PLPP1: variants seen among roughly 807,000 people sequenced by gnomAD.
PLPP1 encodes the protein phospholipid phosphatase 1.
In PLPP1, 24 loss-of-function variants were observed where a neutral mutation model predicts 31.2. The observed-to-expected ratio is 0.77, with a 90% CI of 0.56 to 1.08. PLPP1 has a LOEUF of 1.08. Ranked by LOEUF, PLPP1 falls within the 50% of genes least tolerant of loss-of-function variation. PLPP1 has a pLI of 0.00. For synonymous variants in PLPP1, 146 were observed against 126.3 expected (o/e 1.16, Z -1.05); for missense variants, 319 against 342.7 (o/e 0.93, Z 0.55).
chr5:55,432,873 G>C (rs1309852898), intron 4 of PLPP1, among the ~76,000 whole-genome samples: 1 of 151,202 alleles, frequency 6.6e-6, no homozygotes. Flanking sequence ...AATGTTGCAT[G>C]AACACACAAC....
intron 3 of PLPP1, among the ~76,000 whole-genome samples, chr5:55,467,044 T>C (rs1276928883): frequency 2.0e-5 from 3 of 152,214 alleles, no homozygotes; most frequent in South Asian, 2.1e-4. Flanking sequence ...TTCTGTTTCA[T>C]TCATGTCTAA....
chr5:55,505,844 G>A (rs1753263142), intron 1 of PLPP1, among the ~76,000 whole-genome samples: 1 of 152,184 alleles, frequency 6.6e-6, no homozygotes, highest in Non-Finnish European at 1.5e-5. Context: ...ATCACTTGAG[G>A]TCAGGTGTTC....
chr5:55,473,997 G>GTTTTTGTT lies in PLPP1; in HGVS notation c.210+1301_210+1302insAACAAAAA, dbSNP rs1554039230. On this transcript the variant is annotated intron_variant, in intron 2 of 5. Coordinates refer to ENST00000307259, the MANE Select transcript of PLPP1 (RefSeq NM_003711.4). ...TTTCTGGTTTTTTTGTTTGTTTGTT[G>GTTTTTGTT]TTTTTTTTTTTTTTTTCCAGACGGA... Among the ~76,000 whole-genome samples the GTTTTTGTT allele has an allele frequency of 1.0e-3, 29 of 28,066 alleles. 3 individuals carry two copies. Among genetic ancestry groups the GTTTTTGTT allele is most frequent in the South Asian group, 1.6e-3 (1 of 608 alleles). 18.4% of individuals were successfully genotyped at this position (28,066 alleles called of 152,430 possible). A position where few individuals can be genotyped will look rare whatever the true frequency, so the allele number is the denominator to read the frequency against.
chr5:55,448,354 C>T (rs6862700), intron 3 of PLPP1, among the ~76,000 whole-genome samples: 130,802 of 152,098 alleles, frequency 0.86, 56,632 homozygotes, highest in South Asian at 0.92. Flanking sequence ...ATTATGTGAC[C>T]CAGTAATTCC....
At chr5:55,532,302 A>G (rs1740697568) in intron 1 of PLPP1, among the ~76,000 whole-genome samples, 1 of 152,110 alleles carries the variant, frequency 6.6e-6, no homozygotes, top group Non-Finnish European at 1.5e-5. Context: ...GAGCAGTATT[A>G]TGTTTCAGCC....
chr5:55,502,982 G>A (rs187540514), intron 1 of PLPP1, among the ~76,000 whole-genome samples: 44 of 152,198 alleles, frequency 2.9e-4, no homozygotes, highest in African/African-American at 9.4e-4. Context: ...AGTATGACTG[G>A]GTACCCTCCT....
intron 2 of PLPP1, among the ~76,000 whole-genome samples, chr5:55,473,492 A>C (rs1752466277): frequency 6.6e-6 from 1 of 152,176 alleles, no homozygotes; most frequent in African/African-American, 2.4e-5. Flanking sequence ...GTTAACTTTC[A>C]ATGCTAATAA....
At chr5:55,506,615 G>A (rs774569380) in intron 1 of PLPP1, among the ~76,000 whole-genome samples, 11 of 152,110 alleles carry the variant, frequency 7.2e-5, no homozygotes, top group Non-Finnish European at 1.5e-4. Flanking sequence ...AAACAGTGTG[G>A]GAGTTGCTTC....
At chr5:55,485,254 T>C (rs554666630) in intron 1 of PLPP1, among the ~76,000 whole-genome samples, 2 of 152,260 alleles carry the variant, frequency 1.3e-5, no homozygotes, top group African/African-American at 4.8e-5. Context: ...TCATGCTAAC[T>C]CCAGGTGGTT....
rs190339825 is a variant in PLPP1 at position 55,474,020 on chromosome 5, G to A, written c.210+1279C>T. Among the ~76,000 whole-genome samples, 72 of 123,522 alleles carry A rather than the reference G, an allele frequency of 5.8e-4. No homozygotes were observed. The East Asian group carries it at 0.014, about 23-fold the overall frequency. 81.0% of individuals were successfully genotyped at this position (123,522 alleles called of 152,430 possible). A position where few individuals can be genotyped will look rare whatever the true frequency, so the allele number is the denominator to read the frequency against. ...TTGTTTTTTTTTTTTTTTTCCAGAC[G>A]GAGTCTCATTGTGTCAACCAGGCTG... On this transcript the variant is annotated intron_variant, in intron 2 of 5. Coordinates refer to ENST00000307259, the MANE Select transcript of PLPP1 (RefSeq NM_003711.4).
intron 3 of PLPP1, among the ~76,000 whole-genome samples, chr5:55,443,192 A>AAAAAAATATATATAT: frequency 9.4e-4 from 24 of 25,408 alleles, no homozygotes; most frequent in Admixed American, 2.3e-3. Context: ...AAAAAAAAAA[A>AAAAAAATATATATAT]ATATATATAT....
In PLPP1 at chr5:55,443,192, A is replaced by AAAAATATATATATAT; in HGVS notation, c.492-1285_492-1284insATATATATATATTTT. Among the ~76,000 whole-genome samples the AAAAATATATATATAT allele has an allele frequency of 6.1e-3, 154 of 25,266 alleles. 2 individuals carry two copies. The highest frequency in any genetic ancestry group is 0.01 in the Non-Finnish European group (117 of 11,478). The allele number at this position is 25,266 out of a possible 152,430, so 16.6% of individuals were successfully genotyped here. A position where few individuals can be genotyped will look rare whatever the true frequency, so the allele number is the denominator to read the frequency against. The stretch of plus-strand genomic sequence containing the variant: ...AAGGATTACTTAAAAAAAAAAAAAA[A>AAAAATATATATATAT]ATATATATATATATATATATACACA... On this transcript the variant is annotated intron_variant, in intron 3 of 5. Transcript: ENST00000307259.
intron 1 of PLPP1, among the ~76,000 whole-genome samples, chr5:55,479,918 T>C (rs1039573505): frequency 5.3e-5 from 8 of 152,342 alleles, no homozygotes; most frequent in Non-Finnish European, 7.3e-5. Context: ...TGTTTGCATT[T>C]CTAGTTATTT....
chr5:55,475,929 GTC>G (rs1752539324), intron 1 of PLPP1, among the ~76,000 whole-genome samples: 2 of 150,356 alleles, frequency 1.3e-5, no homozygotes, highest in African/African-American at 4.9e-5. Flanking sequence ...TTTCTGTATT[GTC>G]TATAGCAGGC....
chr5:55,455,504 C>T (rs1228366066), intron 3 of PLPP1, among the ~76,000 whole-genome samples: 3 of 152,200 alleles, frequency 2.0e-5, no homozygotes, highest in Non-Finnish European at 4.4e-5. Flanking sequence ...CACCTATAGT[C>T]CCAGCTGCTC....
intron 1 of PLPP1, among the ~76,000 whole-genome samples, chr5:55,528,068 G>A (rs1740531986): frequency 6.6e-6 from 1 of 152,176 alleles, no homozygotes; most frequent in African/African-American, 2.4e-5. Flanking sequence ...TATTCTAAAT[G>A]ATTGTCAAAA....
intron 1 of PLPP1, chr5:55,530,822 C>T: frequency 1.5e-6 from 2 of 1,321,922 alleles, no homozygotes; most frequent in Admixed American, 1.7e-5. Flanking sequence ...GTTTTGAGCA[C>T]CTCCTGACAG....
At chr5:55,475,563 T>C (rs1752519715) in intron 1 of PLPP1, 113 bp from the exon 2 acceptor site, 2 of 928,186 alleles carry the variant, frequency 2.2e-6, no homozygotes, top group Non-Finnish European at 3.1e-6. Context: ...TGAAAATAAA[T>C]GAGAGCACAT....
intron 4 of PLPP1, among the ~76,000 whole-genome samples, chr5:55,439,482 T>C (rs905824422): frequency 6.6e-6 from 1 of 152,192 alleles, no homozygotes; most frequent in East Asian, 1.9e-4. Context: ...GGCTGCCCAA[T>C]TTGAAAGTCG....
Sources: gnomAD v4.1 joint callset for allele counts (sites outside exome capture counted in the v4.1 genomes callset) on GRCh38, gnomAD v4.1.1 for gene constraint, MANE v1.5 for transcripts, NCBI Gene and HGNC (gene_info 2026-07-23, HGNC 2026-07-21) for gene names.